The following CNTNAP2 variants were observed in gnomAD, a reference collection of about 807,000 sequenced individuals.
CNTNAP2 encodes the protein contactin-associated protein-like 2.
Under a neutral mutation model 155.2 loss-of-function variants are expected in CNTNAP2, and 98 were observed. That is an observed-to-expected ratio of 0.63 (90% CI 0.54 to 0.75). CNTNAP2 has a LOEUF of 0.75. Ranked by LOEUF, CNTNAP2 falls within the 30% of genes least tolerant of loss-of-function variation. The pLI is 0.00. For synonymous variants in CNTNAP2, 651 were observed against 631.2 expected (o/e 1.03, Z -0.47); for missense variants, 1,727 against 1,688.1 (o/e 1.02, Z -0.40).
At chr7:146,753,139 G>A (rs1173352082) in intron 1 of CNTNAP2, among the ~76,000 whole-genome samples, 2 of 151,906 alleles carry the variant, frequency 1.3e-5, no homozygotes, top group Non-Finnish European at 2.9e-5. Flanking sequence ...AAAATATTTA[G>A]GGCATTGTTA....
intron 13 of CNTNAP2, among the ~76,000 whole-genome samples, chr7:147,662,733 TAGAAA>T (rs994672932): frequency 5.9e-5 from 9 of 152,148 alleles, no homozygotes; most frequent in African/African-American, 1.9e-4. Context: ...CTTATTAAAT[TAGAAA>T]GGTGGGGTGG....
At chr7:146,968,360 G>T (rs1390117173) in intron 3 of CNTNAP2, among the ~76,000 whole-genome samples, 1 of 151,464 alleles carries the variant, frequency 6.6e-6, no homozygotes, top group Non-Finnish European at 1.5e-5. Context: ...TTTTTCTATT[G>T]ATTGGAATAG....
intron 8 of CNTNAP2, among the ~76,000 whole-genome samples, chr7:147,156,637 A>G (rs1320821193): frequency 6.6e-6 from 1 of 152,160 alleles, no homozygotes; most frequent in Non-Finnish European, 1.5e-5. Flanking sequence ...AGGCAATGAG[A>G]AAAGGTACAG....
At chr7:147,550,446 C>T (rs1365999101) in intron 11 of CNTNAP2, among the ~76,000 whole-genome samples, 2 of 152,192 alleles carry the variant, frequency 1.3e-5, no homozygotes, top group African/African-American at 4.8e-5. Context: ...TGCCTTTGCT[C>T]TTCCTTCATC....
At chr7:147,060,165 G>T (rs1465375966) in intron 4 of CNTNAP2, among the ~76,000 whole-genome samples, 1 of 146,934 alleles carries the variant, frequency 6.8e-6, no homozygotes, top group Non-Finnish European at 1.5e-5. Flanking sequence ...ATTCTCAAAG[G>T]TCCCAAAGTA....
At chr7:147,281,989 C>T (rs1805045591) in intron 8 of CNTNAP2, among the ~76,000 whole-genome samples, 2 of 151,998 alleles carry the variant, frequency 1.3e-5, no homozygotes, top group African/African-American at 2.4e-5. Flanking sequence ...GGGGGATAGA[C>T]AGGACCTCCA....
At chr7:146,185,303 C>T (rs1584792057) in intron 1 of CNTNAP2, among the ~76,000 whole-genome samples, 1 of 152,188 alleles carries the variant, frequency 6.6e-6, no homozygotes, top group African/African-American at 2.4e-5. Flanking sequence ...CAAGGAACAG[C>T]AAACCAAACT....
chr7:147,291,008 A>C (rs1446839745), intron 8 of CNTNAP2, among the ~76,000 whole-genome samples: 1 of 152,190 alleles, frequency 6.6e-6, no homozygotes, highest in African/African-American at 2.4e-5. Flanking sequence ...ATATACACTT[A>C]GACAGCAAAC....
intron 1 of CNTNAP2, among the ~76,000 whole-genome samples, chr7:146,431,434 G>C (rs749384880): frequency 6.6e-6 from 1 of 151,874 alleles, no homozygotes; most frequent in Non-Finnish European, 1.5e-5. Context: ...TGGCCCTTTG[G>C]AATAACTGCT....
chr7:146,186,248 G>A (rs923840180), intron 1 of CNTNAP2, among the ~76,000 whole-genome samples: 4 of 152,020 alleles, frequency 2.6e-5, no homozygotes, highest in Non-Finnish European at 4.4e-5. Context: ...TAAAGAATAG[G>A]GAATTGTGGC....
chr7:148,277,601 C>G (rs1796894585), intron 21 of CNTNAP2, among the ~76,000 whole-genome samples: 1 of 150,818 alleles, frequency 6.6e-6, no homozygotes, highest in Non-Finnish European at 1.5e-5. Flanking sequence ...CCCCCACCAC[C>G]ACCGACCCCC....
intron 1 of CNTNAP2, among the ~76,000 whole-genome samples, chr7:146,680,366 C>T (rs1158711910): frequency 6.6e-6 from 1 of 152,166 alleles, no homozygotes; most frequent in Non-Finnish European, 1.5e-5. Context: ...GTTCTTTAGA[C>T]TATGTCTAAA....
intron 22 of CNTNAP2, 92 bp downstream of exon 22, chr7:148,383,980 C>T (rs1384556114): frequency 6.7e-7 from 1 of 1,501,712 alleles, no homozygotes; most frequent in East Asian, 2.5e-5. Context: ...CAGAACCTCA[C>T]TGGTAATGTC....
intron 9 of CNTNAP2, among the ~76,000 whole-genome samples, chr7:147,375,234 T>C (rs1273801173): frequency 1.3e-5 from 2 of 151,948 alleles, no homozygotes; most frequent in Non-Finnish European, 2.9e-5. Flanking sequence ...GAGAATGAAC[T>C]AATACAATCC....
chr7:147,492,366 A>G (rs994209167), intron 11 of CNTNAP2, among the ~76,000 whole-genome samples: 17 of 152,210 alleles, frequency 1.1e-4, no homozygotes, highest in African/African-American at 3.9e-4. Flanking sequence ...GACCCCTTAC[A>G]TCATAGAGTG....
intron 16 of CNTNAP2, among the ~76,000 whole-genome samples, chr7:148,120,211 G>T (rs1804570289): frequency 6.8e-6 from 1 of 147,526 alleles, no homozygotes; most frequent in South Asian, 2.3e-4. Flanking sequence ...TAGATAGAGG[G>T]AGAGCAGGTG....
chr7:147,345,154 T>C (rs1795832832), intron 9 of CNTNAP2, among the ~76,000 whole-genome samples: 1 of 152,106 alleles, frequency 6.6e-6, no homozygotes, highest in Admixed American at 6.6e-5. Context: ...TACAGAGCTG[T>C]CATATTTACG....
chr7:147,140,254 T>C (rs77371504), intron 8 of CNTNAP2, among the ~76,000 whole-genome samples: 2,468 of 152,044 alleles, frequency 0.016, 70 homozygotes, highest in African/African-American at 0.056. Flanking sequence ...GCTTTCTGAG[T>C]GTCTTTCCGA....
intron 15 of CNTNAP2, among the ~76,000 whole-genome samples, chr7:148,108,025 A>G (rs1266109398): frequency 1.3e-5 from 2 of 152,196 alleles, no homozygotes; most frequent in Non-Finnish European, 2.9e-5. Context: ...AGTCTTCTCC[A>G]TGCGAGCCAA....
Sources: gnomAD v4.1 joint callset for allele counts (sites outside exome capture counted in the v4.1 genomes callset) on GRCh38, gnomAD v4.1.1 for gene constraint, MANE v1.5 for transcripts, NCBI Gene and HGNC (gene_info 2026-07-23, HGNC 2026-07-21) for gene names.